The following KAZN variants were observed in gnomAD, a reference collection of about 807,000 sequenced individuals.
The protein encoded by KAZN is kazrin.
A neutral mutation model predicts 87.4 loss-of-function variants in KAZN; 40 were observed. That is an observed-to-expected ratio of 0.46 (90% confidence interval 0.36 to 0.60). The LOEUF is 0.60. Among genes scored for constraint, KAZN ranks in the 20% least tolerant of loss-of-function variants. The probability of loss-of-function intolerance (pLI) is 0.00; values close to 1 mark genes in which losing one functional copy is unlikely to be tolerated. For missense variants in KAZN, 898 were observed against 1,073.9 expected, an observed-to-expected ratio of 0.84 and a Z score of 2.29; for synonymous variants, 466 against 458.3, an observed-to-expected ratio of 1.02 and a Z score of -0.22.
At chr1:14,520,353 T>C (rs534502430) in intron 2 of KAZN, among the ~76,000 whole-genome samples, 1 of 151,304 alleles carries the variant, frequency 6.6e-6, no homozygotes, top group East Asian at 2.0e-4. Flanking sequence ...TGGGGTGCCA[T>C]GATAGACGTA....
intron 2 of KAZN, among the ~76,000 whole-genome samples, chr1:14,356,694 A>G (rs1224265778): frequency 6.6e-6 from 1 of 152,160 alleles, no homozygotes; most frequent in African/African-American, 2.4e-5. Flanking sequence ...TCCTTTCCCC[A>G]TTGCTTGTTT....
At chr1:14,973,184 C>A (rs113370357) in intron 2 of KAZN, among the ~76,000 whole-genome samples, 1 of 152,238 alleles carries the variant, frequency 6.6e-6, no homozygotes, top group South Asian at 2.1e-4. Flanking sequence ...CAATAGACAT[C>A]GTTTTAATGT....
intron 2 of KAZN, among the ~76,000 whole-genome samples, chr1:14,386,402 C>A (rs1202675313): frequency 4.6e-5 from 7 of 151,706 alleles, no homozygotes; most frequent in African/African-American, 1.5e-4. Context: ...CAGTTTCTTC[C>A]TAGTCTCAAT....
intron 1 of KAZN, among the ~76,000 whole-genome samples, chr1:14,092,276 A>G (rs1034762871): frequency 1.3e-5 from 2 of 150,884 alleles, no homozygotes; most frequent in African/African-American, 4.9e-5. Context: ...TATTTTTAGT[A>G]GAGACGGGGT....
chr1:14,763,746 T>C (rs572862023), intron 1 of KAZN, among the ~76,000 whole-genome samples: 96 of 152,312 alleles, frequency 6.3e-4, no homozygotes, highest in Non-Finnish European at 1.2e-3. Context: ...ATACTTGTTT[T>C]ATTTTATGTT....
intron 1 of KAZN, among the ~76,000 whole-genome samples, chr1:14,768,590 A>G (rs1450787528): frequency 2.0e-5 from 3 of 152,024 alleles, no homozygotes; most frequent in Non-Finnish European, 2.9e-5. Context: ...AGCCCTCCCT[A>G]TTTTTCTTGT....
intron 1 of KAZN, among the ~76,000 whole-genome samples, chr1:14,796,624 A>G (rs536889296): frequency 1.1e-3 from 166 of 152,348 alleles, no homozygotes; most frequent in Non-Finnish European, 2.1e-3. Context: ...GCTCAGCTCT[A>G]TGTATCGCCG....
chr1:14,742,600 C>T (rs1428413016), intron 1 of KAZN, among the ~76,000 whole-genome samples: 3 of 152,220 alleles, frequency 2.0e-5, no homozygotes, highest in Non-Finnish European at 2.9e-5. Context: ...AGGTTTCTCT[C>T]CCTGTGCTTT....
intron 1 of KAZN, among the ~76,000 whole-genome samples, chr1:14,170,283 T>C (rs1368436194): frequency 6.6e-6 from 1 of 152,184 alleles, no homozygotes; most frequent in Non-Finnish European, 1.5e-5. Context: ...GTAAATTGAT[T>C]TTGAATCCGT....
intron 2 of KAZN, among the ~76,000 whole-genome samples, chr1:14,373,265 T>C (rs1199906042): frequency 1.3e-5 from 2 of 151,658 alleles, no homozygotes; most frequent in South Asian, 4.2e-4. Flanking sequence ...AAGGAGATCA[T>C]GGAGACTGAG....
At chr1:14,182,023 G>A (rs115194040) in intron 2 of KAZN, among the ~76,000 whole-genome samples, 7,557 of 151,540 alleles carry the variant, frequency 0.05, 277 homozygotes, top group Non-Finnish European at 0.077. Flanking sequence ...TTCATATTCC[G>A]GAAATGTTTG....
Position 14,465,243 on chromosome 1 carries a change from CA to C in KAZN, c.250-133734del, listed in dbSNP as rs1223351548. Among the ~76,000 whole-genome samples, 3 of 151,730 alleles carry C rather than the reference CA, an allele frequency of 2.0e-5. No homozygotes were observed. The East Asian group carries it at 5.9e-4, about 30-fold the overall frequency. ...TGAAACCCCATCTCTACTAAAAATACAAAAAATTGGCCAGGCATGGTGGAGG... is the reference window on the plus strand; with the variant it reads ...TGAAACCCCATCTCTACTAAAAATACAAAAATTGGCCAGGCATGGTGGAGG... On this transcript the variant is annotated intron_variant, in intron 2 of 16. Transcript: ENST00000636203.
intron 2 of KAZN, among the ~76,000 whole-genome samples, chr1:14,473,193 T>A (rs971263539): frequency 6.6e-6 from 1 of 152,214 alleles, no homozygotes; most frequent in Non-Finnish European, 1.5e-5. Context: ...TACAGGATAC[T>A]CAGTTAAATT....
At chr1:14,549,913 C>T (rs1457005332) in intron 2 of KAZN, among the ~76,000 whole-genome samples, 1 of 152,176 alleles carries the variant, frequency 6.6e-6, no homozygotes, top group Non-Finnish European at 1.5e-5. Flanking sequence ...TGGAGATTTC[C>T]CTTACTTTTT....
chr1:14,156,910 G>GTTTTTTTTTTTTTTTTTCTTTTT (rs200937006), intron 1 of KAZN, among the ~76,000 whole-genome samples: 1 of 122,472 alleles, frequency 8.2e-6, no homozygotes, highest in Non-Finnish European at 1.8e-5. Flanking sequence ...GTGGTCTTTT[G>GTTTTTTTTTTTTTTTTTCTTTTT]TTTTTTTTTT....
At chr1:15,043,052 C>A (rs1340220979) in intron 3 of KAZN, among the ~76,000 whole-genome samples, 2 of 152,212 alleles carry the variant, frequency 1.3e-5, no homozygotes, top group African/African-American at 4.8e-5. Flanking sequence ...GGGGCCTGGC[C>A]CTTCCCTGGA....
At chr1:14,213,109 A>C (rs1380751958) in intron 2 of KAZN, among the ~76,000 whole-genome samples, 1 of 152,056 alleles carries the variant, frequency 6.6e-6, no homozygotes, top group Non-Finnish European at 1.5e-5. Context: ...CTTATATGTA[A>C]ATTTTCTGTA....
chr1:14,490,457 G>A (rs1488626936), intron 2 of KAZN, among the ~76,000 whole-genome samples: 1 of 151,978 alleles, frequency 6.6e-6, no homozygotes, highest in East Asian at 1.9e-4. Context: ...CAACTCATCT[G>A]CATTTGGTTG....
intron 1 of KAZN, among the ~76,000 whole-genome samples, chr1:14,065,395 A>C (rs549376139): frequency 6.6e-6 from 1 of 152,364 alleles, no homozygotes; most frequent in South Asian, 2.1e-4. Flanking sequence ...ACACTGTGTT[A>C]GGGTAAAAGA....
Sources: gnomAD v4.1 joint callset for allele counts (sites outside exome capture counted in the v4.1 genomes callset) on GRCh38, gnomAD v4.1.1 for gene constraint, MANE v1.5 for transcripts, NCBI Gene and HGNC (gene_info 2026-07-23, HGNC 2026-07-21) for gene names.